The following PARD3B variants were observed in gnomAD, a reference collection of about 807,000 sequenced individuals.
The protein encoded by PARD3B is partitioning defective 3 homolog B.
PARD3B carries 103 observed loss-of-function variants against 130.2 expected under a neutral mutation model. The observed-to-expected ratio is 0.79, with a 90% CI of 0.67 to 0.93. The LOEUF is 0.93. Among genes scored for constraint, PARD3B ranks in the 40% least tolerant of loss-of-function variants. The probability of loss-of-function intolerance (pLI) is 0.00; values close to 1 mark genes in which losing one functional copy is unlikely to be tolerated. For synonymous variants in PARD3B, 583 were observed against 553.2 expected (o/e 1.05, Z -0.76); for missense variants, 1,609 against 1,499.2 (o/e 1.07, Z -1.21).
At chr2:205,057,524 T>C (rs1699757825) in intron 4 of PARD3B, among the ~76,000 whole-genome samples, 1 of 146,962 alleles carries the variant, frequency 6.8e-6, no homozygotes, top group South Asian at 2.1e-4. Flanking sequence ...TGTGCATGTG[T>C]ATATATACAT....
intron 2 of PARD3B, among the ~76,000 whole-genome samples, chr2:204,756,870 G>A (rs1353842095): frequency 6.6e-6 from 1 of 152,042 alleles, no homozygotes; most frequent in Non-Finnish European, 1.5e-5. Context: ...CACAAGTAGT[G>A]AATAGTGTAC....
At chr2:205,179,206 T>C (rs2035651053) in intron 13 of PARD3B, among the ~76,000 whole-genome samples, 1 of 151,408 alleles carries the variant, frequency 6.6e-6, no homozygotes, top group Admixed American at 6.6e-5. Flanking sequence ...TTTCTACAGC[T>C]GTACAATGTG....
intron 21 of PARD3B, among the ~76,000 whole-genome samples, chr2:205,534,070 GGGACA>G (rs1559188259): frequency 8.4e-6 from 1 of 118,886 alleles, no homozygotes; most frequent in African/African-American, 3.4e-5. Context: ...AAAAAAAAAA[GGGACA>G]AGAAGAGACA....
chr2:205,269,375 T>C lies in PARD3B; in HGVS notation c.2185+23553T>C, dbSNP rs1473582059. Among the ~76,000 whole-genome samples the C allele has an allele frequency of 1.3e-5, 2 of 152,190 alleles. No individual in the cohort carries two copies. The highest frequency in any genetic ancestry group is 2.9e-5 in the Non-Finnish European group (2 of 68,032). On this transcript the variant is annotated intron_variant, in intron 16 of 22. Transcript: ENST00000406610. This position sits in a 1 kb window ranked among gnomAD's most constrained non-coding sequence, Gnocchi z 4.7. ...CCCAATTTCAATTTATTCATCCTTT[T>C]TACTAGTGACATCATTCATTCATGA...
chr2:205,058,697 C>T (rs886266222), intron 4 of PARD3B, among the ~76,000 whole-genome samples: 2 of 152,004 alleles, frequency 1.3e-5, no homozygotes, highest in Admixed American at 1.3e-4. Context: ...CTTAGTGATA[C>T]TGGGCATCTT....
At chr2:205,254,669 A>T (rs6709342) in intron 16 of PARD3B, among the ~76,000 whole-genome samples, 27,711 of 141,780 alleles carry the variant, frequency 0.2, 2,702 homozygotes, top group East Asian at 0.28. Flanking sequence ...ATTTTATTTT[A>T]TTTTTTTTTT....
At chr2:204,996,684 T>C (rs879565920) in intron 3 of PARD3B, among the ~76,000 whole-genome samples, 311 of 149,658 alleles carry the variant, frequency 2.1e-3, no homozygotes, top group Non-Finnish European at 3.4e-3. Flanking sequence ...CCCAGCCTCG[T>C]TGCCGCCTTG....
chr2:205,550,968 TATATATATACAC>T lies in PARD3B; in HGVS notation c.3181-2354_3181-2343del, dbSNP rs1253962371. On this transcript the variant is annotated intron_variant, in intron 21 of 22. Transcript: ENST00000406610. This position sits in a 1 kb window ranked among gnomAD's most constrained non-coding sequence, Gnocchi z 4.5. ...ATATATATATGTGTATATATATATA[TATATATATACAC>T]ACACACACACACACACACACACATA... Among the ~76,000 whole-genome samples, 11 of 106,464 alleles carry T rather than the reference TATATATATACAC, an allele frequency of 1.0e-4. No homozygotes were observed. Among genetic ancestry groups the T allele is most frequent in the East Asian group, 5.6e-4 (2 of 3,540 alleles). The allele number at this position is 106,464 out of a possible 152,430, so 69.8% of individuals were successfully genotyped here.
At chr2:204,707,453 T>C (rs2038222488) in intron 2 of PARD3B, among the ~76,000 whole-genome samples, 1 of 152,222 alleles carries the variant, frequency 6.6e-6, no homozygotes, top group East Asian at 1.9e-4. Context: ...TAAGTTGACA[T>C]AGTATTGAAA....
At chr2:205,119,093 G>C (rs1317508712) in intron 7 of PARD3B, 47 bp downstream of exon 7, 3 of 1,557,606 alleles carry the variant, frequency 1.9e-6, no homozygotes, top group Non-Finnish European at 2.6e-6. Flanking sequence ...TCCCTAGCAT[G>C]GTTATAAGCA....
intron 2 of PARD3B, among the ~76,000 whole-genome samples, chr2:204,894,675 C>T (rs980247628): frequency 2.0e-5 from 3 of 151,990 alleles, no homozygotes; most frequent in Non-Finnish European, 2.9e-5. Flanking sequence ...CTGTAAAACC[C>T]AACCCCCAAA....
intron 2 of PARD3B, among the ~76,000 whole-genome samples, chr2:204,840,077 G>A (rs996888864): frequency 7.2e-5 from 11 of 152,092 alleles, no homozygotes; most frequent in South Asian, 2.1e-4. Context: ...CCATCACTAC[G>A]TCAAAACTTA....
intron 21 of PARD3B, among the ~76,000 whole-genome samples, chr2:205,529,602 A>G (rs2051490257): frequency 6.6e-6 from 1 of 152,162 alleles, no homozygotes; most frequent in Non-Finnish European, 1.5e-5. Context: ...GCTATCACCA[A>G]AAAGAAACCT....
At chr2:205,475,538 A>G (rs527743872) in intron 20 of PARD3B, among the ~76,000 whole-genome samples, 2 of 152,166 alleles carry the variant, frequency 1.3e-5, no homozygotes, top group African/African-American at 2.4e-5. Flanking sequence ...GTCACATTTT[A>G]TAGGATTTAT....
intron 2 of PARD3B, among the ~76,000 whole-genome samples, chr2:204,920,212 G>T (rs1312418081): frequency 6.6e-6 from 1 of 152,198 alleles, no homozygotes; most frequent in African/African-American, 2.4e-5. Context: ...GGGTATGTTT[G>T]CTCTTTTGGG....
chr2:204,849,354 T>A (rs899583221), intron 2 of PARD3B, among the ~76,000 whole-genome samples: 1 of 152,216 alleles, frequency 6.6e-6, no homozygotes, highest in Non-Finnish European at 1.5e-5. Context: ...GGTAAATATG[T>A]TTGTAATTAA....
intron 11 of PARD3B, among the ~76,000 whole-genome samples, chr2:205,167,889 A>G (rs112256225): frequency 6.6e-6 from 1 of 152,322 alleles, no homozygotes; most frequent in African/African-American, 2.4e-5. Flanking sequence ...ATGGGCAAAT[A>G]TATGCAAAAG....
chr2:205,355,040 A>G (rs935410611), intron 18 of PARD3B, among the ~76,000 whole-genome samples: 1 of 152,202 alleles, frequency 6.6e-6, no homozygotes, highest in African/African-American at 2.4e-5. Context: ...AGAATGGTGC[A>G]TCTCACCCTT....
At chr2:204,929,151 A>G (rs1271908944) in intron 2 of PARD3B, among the ~76,000 whole-genome samples, 1 of 151,962 alleles carries the variant, frequency 6.6e-6, no homozygotes, top group Non-Finnish European at 1.5e-5. Flanking sequence ...TATTTTCAAT[A>G]TGATTACATG....
Sources: gnomAD v4.1 joint callset for allele counts (sites outside exome capture counted in the v4.1 genomes callset) on GRCh38, gnomAD v4.1.1 for gene constraint, Gnocchi (gnomAD v3.1) non-coding constraint, MANE v1.5 for transcripts, NCBI Gene and HGNC (gene_info 2026-07-23, HGNC 2026-07-21) for gene names.